Variants in GPC5 observed in about 807,000 individuals in gnomAD.
GPC5 encodes the protein glypican 5.
In GPC5, 47 loss-of-function variants were observed where a neutral mutation model predicts 53.9. That is an observed-to-expected ratio of 0.87 (90% CI 0.69 to 1.11). The LOEUF (loss-of-function observed/expected upper bound fraction) is 1.11, where lower values mean the gene tolerates loss of function less well. Among genes scored for constraint, GPC5 ranks in the 50% most tolerant of loss-of-function variants. GPC5 has a pLI of 0.00. For missense variants in GPC5, 748 were observed against 713.1 expected (o/e 1.05, Z -0.56); for synonymous variants, 286 against 263.3 (o/e 1.09, Z -0.84).
At chr13:91,586,202 TA>T (rs902084225) in intron 2 of GPC5, among the ~76,000 whole-genome samples, 1 of 151,712 alleles carries the variant, frequency 6.6e-6, no homozygotes, top group South Asian at 2.1e-4. Flanking sequence ...TATATAGACT[TA>T]TTTATTTATG....
At chr13:91,885,213 T>C (rs758391859) in intron 5 of GPC5, among the ~76,000 whole-genome samples, 2 of 152,176 alleles carry the variant, frequency 1.3e-5, no homozygotes, top group Non-Finnish European at 2.9e-5. Context: ...GGATATACCG[T>C]CTCTTTGTAT....
At chr13:92,217,880 C>T (rs1239899801) in intron 7 of GPC5, among the ~76,000 whole-genome samples, 1 of 150,074 alleles carries the variant, frequency 6.7e-6, no homozygotes, top group Non-Finnish European at 1.5e-5. Context: ...TTTTATACCC[C>T]AGCAATTCCA....
At chr13:91,923,281 T>A (rs2039734462) in intron 6 of GPC5, among the ~76,000 whole-genome samples, 1 of 152,198 alleles carries the variant, frequency 6.6e-6, no homozygotes, top group Admixed American at 6.5e-5. Flanking sequence ...ATCACTTGAA[T>A]GTAATTTTAT....
intron 6 of GPC5, among the ~76,000 whole-genome samples, chr13:92,063,281 T>A (rs965672555): frequency 6.6e-6 from 1 of 152,092 alleles, no homozygotes; most frequent in African/African-American, 2.4e-5. Flanking sequence ...ACCAGCTGGG[T>A]TTACATCATT....
rs1877179177 is a variant in GPC5, at chr13:92,433,464, A to G, written c.1561+288475A>G. Among the ~76,000 whole-genome samples, 2 of 152,184 alleles carry G rather than the reference A, an allele frequency of 1.3e-5. 1 individual carries two copies. The highest frequency in any genetic ancestry group is 4.1e-4 in the South Asian group (2 of 4,832). ...TAGTGCATCAGATGGAAAAATAGGA[A>G]TTACTGATCTGAGAGTGGAATGCTT... On this transcript the variant is annotated intron_variant, in intron 7 of 7. Transcript: ENST00000377067.
At chr13:91,912,727 G>A (rs1024325464) in intron 6 of GPC5, among the ~76,000 whole-genome samples, 2 of 119,308 alleles carry the variant, frequency 1.7e-5, no homozygotes, top group Non-Finnish European at 4.1e-5. Flanking sequence ...TGGATATTTA[G>A]GTTGTGACCA....
intron 6 of GPC5, among the ~76,000 whole-genome samples, chr13:91,975,249 C>G (rs1477954217): frequency 6.6e-6 from 1 of 152,090 alleles, no homozygotes; most frequent in Non-Finnish European, 1.5e-5. Flanking sequence ...GCAATGGCAA[C>G]AAAAGCCAAA....
intron 7 of GPC5, among the ~76,000 whole-genome samples, chr13:92,379,974 C>A (rs971109355): frequency 8.5e-5 from 13 of 152,166 alleles, no homozygotes; most frequent in African/African-American, 3.1e-4. Context: ...CAACAGTGTT[C>A]ACTTTACCCA....
intron 6 of GPC5, among the ~76,000 whole-genome samples, chr13:91,985,672 C>G (rs912736573): frequency 6.6e-6 from 1 of 152,238 alleles, no homozygotes; most frequent in African/African-American, 2.4e-5. Flanking sequence ...TAAGATAGCA[C>G]TTTTATTACT....
chr13:92,155,509 G>A (rs928391411), intron 7 of GPC5, among the ~76,000 whole-genome samples: 1 of 151,976 alleles, frequency 6.6e-6, no homozygotes, highest in African/African-American at 2.4e-5. Flanking sequence ...GGCTTTTATT[G>A]AATTATGGTT....
intron 7 of GPC5, among the ~76,000 whole-genome samples, chr13:92,761,302 G>A (rs1007942832): frequency 6.6e-6 from 1 of 152,018 alleles, no homozygotes; most frequent in Non-Finnish European, 1.5e-5. Context: ...CAAGTAGATG[G>A]GCCTATAGGA....
intron 6 of GPC5, among the ~76,000 whole-genome samples, chr13:91,968,938 T>G (rs945117816): frequency 6.6e-6 from 1 of 151,988 alleles, no homozygotes; most frequent in African/African-American, 2.4e-5. Flanking sequence ...CCCTTTATCT[T>G]TCTTCTTTCT....
chr13:91,485,870 G>A (rs1008707412), intron 2 of GPC5: 1 of 152,232 alleles, frequency 6.6e-6, no homozygotes, highest in African/African-American at 2.4e-5. Flanking sequence ...ATATGCCACA[G>A]CAATTGGTTT....
intron 7 of GPC5, among the ~76,000 whole-genome samples, chr13:92,459,034 A>T (rs1878382545): frequency 6.6e-6 from 1 of 152,188 alleles, no homozygotes; most frequent in African/African-American, 2.4e-5. Context: ...GTGCATATTT[A>T]CTCATGTGTA....
intron 2 of GPC5, among the ~76,000 whole-genome samples, chr13:91,613,007 T>G (rs1295200417): frequency 6.6e-6 from 1 of 152,158 alleles, no homozygotes; most frequent in Non-Finnish European, 1.5e-5. Flanking sequence ...ATCCACCACA[T>G]ATTAAAAGGG....
chr13:92,425,339 C>A, intron 7 of GPC5, among the ~76,000 whole-genome samples: 1 of 151,882 alleles, frequency 6.6e-6, no homozygotes. Context: ...CATCTCCCAC[C>A]TCTACCCTCT....
intron 2 of GPC5, among the ~76,000 whole-genome samples, chr13:91,629,959 G>A (rs1050195040): frequency 1.3e-5 from 2 of 152,036 alleles, no homozygotes; most frequent in African/African-American, 4.8e-5. Flanking sequence ...TTCCCTTTCT[G>A]TGACCTTTTC....
chr13:92,121,584 C>T (rs1269049668), intron 6 of GPC5, among the ~76,000 whole-genome samples: 1 of 152,178 alleles, frequency 6.6e-6, no homozygotes, highest in East Asian at 1.9e-4. Context: ...ACTTTTGAAT[C>T]TTCTTCATTT....
intron 5 of GPC5, among the ~76,000 whole-genome samples, chr13:91,850,083 C>T (rs898651681): frequency 3.9e-5 from 6 of 152,070 alleles, no homozygotes; most frequent in Non-Finnish European, 8.8e-5. Context: ...GGAGGTTTTT[C>T]AGATCAATAA....
Sources: allele counts gnomAD v4.1 joint callset (sites outside exome capture counted in the v4.1 genomes callset), GRCh38; gene constraint gnomAD v4.1.1; transcripts MANE v1.5; gene names NCBI Gene and HGNC (gene_info 2026-07-23, HGNC 2026-07-21).